RIMS2: variants seen among roughly 807,000 people sequenced by gnomAD.
RIMS2 encodes regulating synaptic membrane exocytosis protein 2.
In RIMS2, 59 loss-of-function variants were observed where a neutral mutation model predicts 174.4. The ratio of observed to expected loss-of-function variants is 0.34; its 90% confidence interval spans 0.27 to 0.42. The LOEUF (loss-of-function observed/expected upper bound fraction) is 0.42. Ranked by LOEUF, RIMS2 falls within the 10% of genes least tolerant of loss-of-function variation. RIMS2 has a pLI of 1.00. For synonymous variants in RIMS2, 606 were observed against 572.5 expected (o/e 1.06, Z -0.84); for missense variants, 1,620 against 1,666.3 (o/e 0.97, Z 0.48).
At chr8:103,718,129 A>G (rs1001208204) in intron 2 of RIMS2, among the ~76,000 whole-genome samples, 2 of 152,166 alleles carry the variant, frequency 1.3e-5, no homozygotes, top group African/African-American at 4.8e-5. Context: ...TATACTTGCT[A>G]GTCCCAATCG....
intron 1 of RIMS2, among the ~76,000 whole-genome samples, chr8:103,575,826 G>A (rs1010877647): frequency 2.0e-5 from 3 of 151,920 alleles, no homozygotes; most frequent in African/African-American, 7.3e-5. Context: ...TTTCCATGAT[G>A]CTCCTCCCCA....
Position 103,748,759 on chromosome 8 carries a change from T to A in RIMS2, c.388-17468T>A, listed in dbSNP as rs1591573292. On this transcript the variant is annotated intron_variant, in intron 2 of 23. Coordinates refer to ENST00000504942, the Ensembl canonical transcript of RIMS2. ...TTATCCTCTTCAGAAATTTTCATGTTCCAATCACCATTTTAAGTGAAACCT... is the reference window on the plus strand; with the variant it reads ...TTATCCTCTTCAGAAATTTTCATGTACCAATCACCATTTTAAGTGAAACCT... Among the ~76,000 whole-genome samples the A allele has an allele frequency of 2.6e-5, 4 of 152,206 alleles. No homozygotes were observed. The Middle Eastern group carries it at 0.01, about 388-fold the overall frequency.
rs544413673 is a variant in RIMS2, at chr8:103,522,164, A to G, written c.176+21102A>G. ...AGTCTTTTCTATCAATTGTTGTTCA[A>G]TTGAATTTTGTTGGTCTTTAGGGGA... On this transcript the variant is annotated intron_variant, in intron 1 of 23. Transcript: ENST00000504942. Among the ~76,000 whole-genome samples, 7 of 152,178 alleles carry G rather than the reference A, an allele frequency of 4.6e-5. No homozygotes were observed. In the South Asian group the frequency reaches 1.5e-3, roughly 32 times the overall value.
At chr8:103,832,588 C>G (rs987352009) in intron 3 of RIMS2, among the ~76,000 whole-genome samples, 2 of 152,098 alleles carry the variant, frequency 1.3e-5, no homozygotes, top group Non-Finnish European at 2.9e-5. Context: ...CTCTATGTGT[C>G]CATGTGTTCT....
At chr8:104,059,325 G>C (rs1474658325) in intron 19 of RIMS2, among the ~76,000 whole-genome samples, 1 of 149,200 alleles carries the variant, frequency 6.7e-6, no homozygotes, top group Non-Finnish European at 1.5e-5. Context: ...TATTCTCTTT[G>C]AAGCAATTGT....
At position 103,940,805 on chromosome 8, in the gene RIMS2, G is replaced by A. The variant is rs2082346853; in HGVS notation, c.2548-1968G>A. Among the ~76,000 whole-genome samples, 3 of 151,718 alleles carry A rather than the reference G, an allele frequency of 2.0e-5. No individual in the cohort carries two copies. In the South Asian group the frequency reaches 6.3e-4, roughly 32 times the overall value. ...GCAAGAGAATCACTTGAGCCCGGGA[G>A]GCGGAGCTTGCAGTGAGCCAGGATC... On this transcript the variant is annotated intron_variant, in intron 13 of 23. Coordinates refer to ENST00000504942, the Ensembl canonical transcript of RIMS2.
At chr8:103,768,463 C>T (rs2098206654) in intron 3 of RIMS2, 1 of 788,388 alleles carries the variant, frequency 1.3e-6, no homozygotes, top group Non-Finnish European at 2.3e-6. Context: ...AACAATGGTT[C>T]CCCATGAAGA....
intron 2 of RIMS2, among the ~76,000 whole-genome samples, chr8:103,738,851 A>C (rs1284201653): frequency 1.3e-5 from 2 of 152,002 alleles, no homozygotes; most frequent in East Asian, 3.9e-4. Flanking sequence ...ACCAGTTAGA[A>C]TGGCGATCAT....
At chr8:103,604,303 A>G (rs1364779517) in intron 1 of RIMS2, among the ~76,000 whole-genome samples, 1 of 151,570 alleles carries the variant, frequency 6.6e-6, no homozygotes, top group Non-Finnish European at 1.5e-5. Context: ...AAGATCAGAT[A>G]GTTGTTGATA....
intron 1 of RIMS2, among the ~76,000 whole-genome samples, chr8:103,547,106 A>T (rs889108626): frequency 3.9e-5 from 6 of 152,166 alleles, no homozygotes; most frequent in South Asian, 2.1e-4. Flanking sequence ...GAGGTAAAAG[A>T]TGTACTTTTC....
At chr8:104,006,094 T>G (rs2095565158) in intron 17 of RIMS2, among the ~76,000 whole-genome samples, 1 of 152,264 alleles carries the variant, frequency 6.6e-6, no homozygotes, top group Non-Finnish European at 1.5e-5. Context: ...TACAACTGTT[T>G]TGTTCTCCAT....
At chr8:104,164,508 T>C (rs2098784769) in intron 19 of RIMS2, among the ~76,000 whole-genome samples, 1 of 152,188 alleles carries the variant, frequency 6.6e-6, no homozygotes, top group Non-Finnish European at 1.5e-5. Context: ...ATGAAAGATA[T>C]GCCATTTCAA....
intron 13 of RIMS2, among the ~76,000 whole-genome samples, chr8:103,938,363 A>T (rs2154536444): frequency 6.6e-6 from 1 of 152,224 alleles, no homozygotes; most frequent in Admixed American, 6.5e-5. Context: ...AGAGAGAGAG[A>T]GATTGTGCAG....
chr8:104,150,443 A>T (rs2098680085), intron 19 of RIMS2, among the ~76,000 whole-genome samples: 1 of 152,190 alleles, frequency 6.6e-6, no homozygotes. Context: ...GTCATACGCC[A>T]GTGGTGAATC....
intron 19 of RIMS2, among the ~76,000 whole-genome samples, chr8:104,079,615 A>ATG (rs1289393709): frequency 4.0e-5 from 5 of 124,578 alleles, no homozygotes; most frequent in Non-Finnish European, 8.6e-5. Flanking sequence ...ATATATATAT[A>ATG]TATATATATA....
intron 1 of RIMS2, among the ~76,000 whole-genome samples, chr8:103,662,854 C>T (rs1421648219): frequency 3.3e-5 from 5 of 152,136 alleles, no homozygotes; most frequent in Admixed American, 6.6e-5. Context: ...TCTGAAGATT[C>T]TGTATCTAGC....
chr8:103,987,576 G>A (rs1356006257), intron 16 of RIMS2, among the ~76,000 whole-genome samples: 3 of 152,046 alleles, frequency 2.0e-5, no homozygotes. Context: ...GCAGAAATAA[G>A]AGATGGATGT....
chr8:104,227,032 A>C (rs1258922258), intron 19 of RIMS2, among the ~76,000 whole-genome samples: 1 of 152,162 alleles, frequency 6.6e-6, no homozygotes, highest in African/African-American at 2.4e-5. Context: ...CAAGAATGTT[A>C]CTATTTTCCT....
intron 3 of RIMS2, among the ~76,000 whole-genome samples, chr8:103,805,805 G>A (rs1343819085): frequency 2.0e-5 from 3 of 151,520 alleles, no homozygotes; most frequent in Admixed American, 6.6e-5. Context: ...TGAGTTTTCT[G>A]TATATTTAAT....
Sources: gnomAD v4.1 joint callset for allele counts (sites outside exome capture counted in the v4.1 genomes callset) on GRCh38, gnomAD v4.1.1 for gene constraint, MANE v1.5 for transcripts, NCBI Gene and HGNC (gene_info 2026-07-23, HGNC 2026-07-21) for gene names.